HGSNAT: variants seen among roughly 807,000 people sequenced by gnomAD.
HGSNAT encodes heparan-alpha-glucosaminide N-acetyltransferase, also known as transmembrane protein 76.
In HGSNAT, 59 loss-of-function variants were observed where a neutral mutation model predicts 85.2. The ratio of observed to expected loss-of-function variants is 0.69; its 90% CI spans 0.56 to 0.86. HGSNAT has a LOEUF of 0.86. Ranked by LOEUF, HGSNAT falls within the 40% of genes least tolerant of loss-of-function variation. HGSNAT has a pLI of 0.00. For missense variants in HGSNAT, 756 were observed against 777.1 expected, an observed-to-expected ratio of 0.97 and a Z score of 0.32; for synonymous variants, 321 against 304.5, an observed-to-expected ratio of 1.05 and a Z score of -0.56.
At chr8:43,172,259 C>G (rs1427139111) in intron 7 of HGSNAT, 51 bp from the exon 8 acceptor site, 1 of 1,304,294 alleles carries the variant, frequency 7.7e-7, no homozygotes, top group East Asian at 2.3e-5. Flanking sequence ...TTCAGCCCTT[C>G]CTTTTCACAT....
intron 4 of HGSNAT, among the ~76,000 whole-genome samples, 152 bp from the exon 5 acceptor site, chr8:43,161,286 T>C (rs1322546579): frequency 6.6e-6 from 1 of 152,206 alleles, no homozygotes; most frequent in African/African-American, 2.4e-5. Flanking sequence ...ATGACAATTA[T>C]CACTCCCTTC....
chr8:43,170,472 T>C lies in HGSNAT; in HGVS notation c.634-113T>C. The C allele has an allele frequency of 5.1e-6, 5 of 976,526 alleles. No individual in the cohort carries two copies. In the South Asian group the frequency reaches 7.2e-5, roughly 14 times the overall value. 60.5% of individuals were successfully genotyped at this position (976,526 alleles called of 1,614,324 possible). ...TCCAGGCTGGGCCACAGAGCGAGAC[T>C]CTGTCTCAAAAAACAAAACAAAACA... On this transcript the variant is annotated intron_variant, in intron 6 of 17. Transcript: ENST00000379644.
chr8:43,172,280 G>A (rs1182792399), intron 7 of HGSNAT, 30 bp from the exon 8 acceptor site: 6 of 1,532,736 alleles, frequency 3.9e-6, no homozygotes, highest in Non-Finnish European at 5.4e-6. Context: ...AGCAAACCCT[G>A]AAAGGCTTCT....
rs556063234 is a variant in HGSNAT, at chr8:43,190,744, C to A, written c.1129-730C>A. Among the ~76,000 whole-genome samples, 4 of 152,178 alleles carry A rather than the reference C, an allele frequency of 2.6e-5. No homozygotes were observed. In the South Asian group the frequency reaches 6.2e-4, roughly 24 times the overall value. ...TATTTTATTTTTAAATTTTAAATCA[C>A]AGGTATATTGATGTATAATTTACGT... is the stretch of plus-strand genomic sequence containing the variant. On this transcript the variant is annotated intron_variant, in intron 11 of 17. Transcript: ENST00000379644.
chr8:43,165,268 T>G (rs1803398777), intron 5 of HGSNAT, among the ~76,000 whole-genome samples: 1 of 152,104 alleles, frequency 6.6e-6, no homozygotes, highest in Non-Finnish European at 1.5e-5. Context: ...CCTACTGTAA[T>G]TGTTTTGGGA....
chr8:43,182,915 A>T (rs528735964), intron 11 of HGSNAT, among the ~76,000 whole-genome samples: 1 of 152,208 alleles, frequency 6.6e-6, no homozygotes, highest in Non-Finnish European at 1.5e-5. Flanking sequence ...AATACACGAC[A>T]TGAGATCTAT....
chr8:43,172,443 G>A, intron 8 of HGSNAT, 57 bp downstream of exon 8: 1 of 1,248,064 alleles, frequency 8.0e-7, no homozygotes, highest in South Asian at 1.2e-5. Context: ...GAGCTTCAGG[G>A]CAGGAGAATC....
chr8:43,143,317 A>G (rs774727132), intron 1 of HGSNAT, among the ~76,000 whole-genome samples: 7 of 152,174 alleles, frequency 4.6e-5, no homozygotes, highest in Non-Finnish European at 8.8e-5. Context: ...TTTTCTATCC[A>G]CCAGGCTAAC....
At chr8:43,175,557 CTTTTTT>C (rs572939859) in intron 9 of HGSNAT, among the ~76,000 whole-genome samples, 2 of 63,146 alleles carry the variant, frequency 3.2e-5, no homozygotes, top group African/African-American at 6.3e-5. Flanking sequence ...CTTTTGTCCT[CTTTTTT>C]TTTTTTTTTT....
At chr8:43,158,744 G>A in intron 3 of HGSNAT, 33 bp downstream of exon 3, 1 of 1,557,078 alleles carries the variant, frequency 6.4e-7, no homozygotes, top group Non-Finnish European at 8.6e-7. Context: ...TCTAAGTGAA[G>A]TCTGCATTTT....
At chr8:43,148,945 G>T (rs1232161450) in intron 2 of HGSNAT, among the ~76,000 whole-genome samples, 1 of 151,148 alleles carries the variant, frequency 6.6e-6, no homozygotes, top group Non-Finnish European at 1.5e-5. Flanking sequence ...GTGAAACCCC[G>T]ACTCTACTAA....
chr8:43,194,389 C>T (rs1300999297), intron 14 of HGSNAT: 2 of 985,124 alleles, frequency 2.0e-6, no homozygotes, highest in South Asian at 4.7e-5. Context: ...CAGAGTGAGA[C>T]CCTGTCTCAA....
At position 43,197,021 on chromosome 8, in the gene HGSNAT, T is replaced by G. The variant is rs1486006652; in HGVS notation, c.1538T>G (p.Ile513Ser). ...ILIRFTAWCCILGLISVALTK... is the reference protein window; with the variant it reads ...ILIRFTAWCCSLGLISVALTK... ...ATTCGATTCACTGCTTGGTGTTGTA[T>G]TCTTGTAAGTAAGCAGCATTCCTCG... Residue 513 changes from isoleucine (I) to serine (S), a missense_variant, in exon 15 of 18, where the codon ATT becomes AGT. Physicochemically the swap from Ile to Ser is moderately radical, Grantham distance 142. Coordinates refer to ENST00000379644, the MANE Select transcript of HGSNAT (RefSeq NM_152419.3). The G allele has an allele frequency of 1.0e-5, 16 of 1,600,806 alleles. No homozygotes were observed.
At chr8:43,166,547 T>C (rs940340217) in intron 5 of HGSNAT, among the ~76,000 whole-genome samples, 1 of 152,198 alleles carries the variant, frequency 6.6e-6, no homozygotes, top group African/African-American at 2.4e-5. Context: ...CAGCGTGGCT[T>C]ACTGACTATT....
chr8:43,172,493 G>A (rs763954864), intron 8 of HGSNAT, 107 bp downstream of exon 8: 445 of 797,866 alleles, frequency 5.6e-4, no homozygotes, highest in Middle Eastern at 9.4e-4. Context: ...ATGAGCCCCA[G>A]CAGCCTCCTC....
At chr8:43,172,251 C>G in intron 7 of HGSNAT, 59 bp from the exon 8 acceptor site, 1 of 1,162,146 alleles carries the variant, frequency 8.6e-7, no homozygotes, top group South Asian at 1.2e-5. Flanking sequence ...GTCTTCAGTT[C>G]AGCCCTTCCT....
intron 9 of HGSNAT, among the ~76,000 whole-genome samples, chr8:43,175,471 A>G (rs552816773): frequency 2.7e-5 from 4 of 150,500 alleles, no homozygotes; most frequent in Non-Finnish European, 5.9e-5. Flanking sequence ...TTCTCTGATG[A>G]TCAATGATGT....
At chr8:43,189,273 G>T (rs1008949820) in intron 11 of HGSNAT, among the ~76,000 whole-genome samples, 2 of 152,156 alleles carry the variant, frequency 1.3e-5, no homozygotes, top group African/African-American at 4.8e-5. Flanking sequence ...GAGCTGCGGT[G>T]GGCTCCACTC....
intron 2 of HGSNAT, among the ~76,000 whole-genome samples, chr8:43,152,103 CAACATGGTGA>C (rs1460835106): frequency 2.0e-5 from 3 of 152,120 alleles, no homozygotes; most frequent in Non-Finnish European, 4.4e-5. Context: ...CCAGCCTGAC[CAACATGGTGA>C]AACCCCATCT....
Sources: allele counts gnomAD v4.1 joint callset (sites outside exome capture counted in the v4.1 genomes callset), GRCh38; gene constraint gnomAD v4.1.1; transcripts MANE v1.5; gene names NCBI Gene and HGNC (gene_info 2026-07-23, HGNC 2026-07-21).